CTNNA2: variants seen among roughly 807,000 people sequenced by gnomAD.
The protein encoded by CTNNA2 is catenin alpha-2.
Under a neutral mutation model 101.0 loss-of-function variants are expected in CTNNA2, and 42 were observed. That is an observed-to-expected ratio of 0.42 (90% CI 0.32 to 0.54). CTNNA2 has a LOEUF of 0.54. CTNNA2 is among the 20% of genes least tolerant of loss of function. The pLI, the probability that CTNNA2 is intolerant of heterozygous loss-of-function variation, is 0.14. For synonymous variants in CTNNA2, 450 were observed against 456.4 expected (o/e 0.99, Z 0.18); for missense variants, 871 against 1,223.1 (o/e 0.71, Z 4.29).
At chr2:79,632,289 TA>T (rs143289777) in intron 1 of CTNNA2, among the ~76,000 whole-genome samples, 6,097 of 152,190 alleles carry the variant, frequency 0.04, 391 homozygotes, top group African/African-American at 0.14. Context: ...GAGTATAAAA[TA>T]AAATATTCCT....
At chr2:80,110,343 A>C (rs1456271970) in intron 7 of CTNNA2, among the ~76,000 whole-genome samples, 1 of 152,164 alleles carries the variant, frequency 6.6e-6, no homozygotes, top group Non-Finnish European at 1.5e-5. Context: ...TTGTCTCTTT[A>C]TTTTAGAGGT....
chr2:80,167,262 T>G (rs1156650641), intron 7 of CTNNA2, among the ~76,000 whole-genome samples: 1 of 152,178 alleles, frequency 6.6e-6, no homozygotes, highest in Non-Finnish European at 1.5e-5. Flanking sequence ...ATATTTTTCT[T>G]GTTATTAGAA....
chr2:79,474,246 C>T (rs1239791424), intron 4 of CTNNA2, among the ~76,000 whole-genome samples: 1 of 152,030 alleles, frequency 6.6e-6, no homozygotes, highest in African/African-American at 2.4e-5. Context: ...TGGAAACAAC[C>T]CAAATGTCCC....
intron 9 of CTNNA2, among the ~76,000 whole-genome samples, chr2:80,483,080 CT>C (rs1371087836): frequency 2.0e-4 from 30 of 152,144 alleles, no homozygotes; most frequent in African/African-American, 6.0e-4. Context: ...ACCAGGCATG[CT>C]TTTGCAAACT....
At chr2:80,368,725 CTG>C (rs1246454058) in intron 7 of CTNNA2, among the ~76,000 whole-genome samples, 2 of 150,168 alleles carry the variant, frequency 1.3e-5, no homozygotes, top group Non-Finnish European at 3.0e-5. Flanking sequence ...ATATCTCTAA[CTG>C]TTTTTAGCAG....
intron 2 of CTNNA2, among the ~76,000 whole-genome samples, chr2:79,280,862 C>T (rs76303354): frequency 6.6e-6 from 1 of 151,944 alleles, no homozygotes; most frequent in Non-Finnish European, 1.5e-5. Flanking sequence ...ACCCTGACTC[C>T]TTTGCCCAGG....
At chr2:79,646,696 A>AT (rs1680848705) in intron 1 of CTNNA2, among the ~76,000 whole-genome samples, 1 of 151,684 alleles carries the variant, frequency 6.6e-6, no homozygotes, top group Non-Finnish European at 1.5e-5. Context: ...TGCTCACCTA[A>AT]TTTTTGTATT....
At chr2:80,038,492 G>A (rs768340213) in intron 7 of CTNNA2, among the ~76,000 whole-genome samples, 3 of 151,948 alleles carry the variant, frequency 2.0e-5, no homozygotes, top group Non-Finnish European at 2.9e-5. Flanking sequence ...AGGCAGAGTC[G>A]GGCAGATCAC....
At chr2:80,605,389 T>C (rs923611008) in intron 16 of CTNNA2, 14 of 151,986 alleles carry the variant, frequency 9.2e-5, no homozygotes, top group South Asian at 4.1e-4. Flanking sequence ...TAAAATATTA[T>C]ATATGCTACT....
intron 1 of CTNNA2, among the ~76,000 whole-genome samples, chr2:79,521,519 T>C (rs1672120261): frequency 6.6e-6 from 1 of 152,086 alleles, no homozygotes; most frequent in South Asian, 2.1e-4. Context: ...GGAATGGGAA[T>C]ACCATGAATG....
chr2:80,484,984 T>C (rs185529583), intron 9 of CTNNA2, among the ~76,000 whole-genome samples: 109 of 152,226 alleles, frequency 7.2e-4, no homozygotes, highest in African/African-American at 2.6e-3. Context: ...CCAGCCTGTG[T>C]GACAGAGCGA....
intron 12 of CTNNA2, 53 bp from the exon 13 acceptor site, chr2:80,574,110 A>C: frequency 6.4e-7 from 1 of 1,561,690 alleles, no homozygotes; most frequent in Non-Finnish European, 8.7e-7. Flanking sequence ...AGCTGGAATA[A>C]GAGGTAGTGA....
chr2:79,887,887 C>G (rs1684004349), intron 6 of CTNNA2, among the ~76,000 whole-genome samples: 1 of 152,208 alleles, frequency 6.6e-6, no homozygotes, highest in East Asian at 1.9e-4. Flanking sequence ...TCAATTCTTT[C>G]TAACTGGAAA....
intron 7 of CTNNA2, among the ~76,000 whole-genome samples, chr2:80,256,101 C>T (rs1164997597): frequency 6.6e-6 from 1 of 152,124 alleles, no homozygotes; most frequent in African/African-American, 2.4e-5. Flanking sequence ...CTCTCAGTAG[C>T]AGGTTACCAG....
At chr2:79,673,705 A>T (rs576636638) in intron 2 of CTNNA2, among the ~76,000 whole-genome samples, 64 of 152,012 alleles carry the variant, frequency 4.2e-4, no homozygotes, top group African/African-American at 1.3e-3. Flanking sequence ...AGAGAAAGAG[A>T]GTGTGTGTGT....
intron 7 of CTNNA2, among the ~76,000 whole-genome samples, chr2:80,033,214 A>C (rs193049700): frequency 6.6e-6 from 1 of 152,046 alleles, no homozygotes; most frequent in South Asian, 2.1e-4. Context: ...AAAACACATT[A>C]GCAAAAACAT....
intron 4 of CTNNA2, among the ~76,000 whole-genome samples, chr2:79,441,309 T>C (rs1373400688): frequency 6.6e-6 from 1 of 152,188 alleles, no homozygotes; most frequent in African/African-American, 2.4e-5. Flanking sequence ...TTAGGCAATA[T>C]GTATCATCTC....
intron 7 of CTNNA2, among the ~76,000 whole-genome samples, chr2:79,932,740 A>G (rs1687533042): frequency 6.6e-6 from 1 of 152,226 alleles, no homozygotes; most frequent in Non-Finnish European, 1.5e-5. Context: ...TTAATTGAAT[A>G]TTGAAAAACT....
intron 4 of CTNNA2, among the ~76,000 whole-genome samples, chr2:79,472,404 G>A (rs972209964): frequency 6.6e-6 from 1 of 152,162 alleles, no homozygotes; most frequent in Admixed American, 6.5e-5. Context: ...CCTTTTGTAA[G>A]AAAGACAATG....
Sources: allele counts gnomAD v4.1 joint callset (sites outside exome capture counted in the v4.1 genomes callset), GRCh38; gene constraint gnomAD v4.1.1; transcripts MANE v1.5; gene names NCBI Gene and HGNC (gene_info 2026-07-23, HGNC 2026-07-21).